The following SLC30A9 variants were observed in gnomAD, a reference collection of about 807,000 sequenced individuals.
SLC30A9 encodes the protein proton-coupled zinc antiporter SLC30A9, mitochondrial.
Under a neutral mutation model 87.5 loss-of-function variants are expected in SLC30A9, and 58 were observed. That is an observed-to-expected ratio of 0.66 (90% confidence interval 0.54 to 0.82). The LOEUF is 0.82. Ranked by LOEUF, SLC30A9 falls within the 40% of genes least tolerant of loss-of-function variation. SLC30A9 has a pLI of 0.00. For missense variants in SLC30A9, 557 were observed against 679.1 expected, an observed-to-expected ratio of 0.82 and a Z score of 2.00; for synonymous variants, 234 against 233.0, an observed-to-expected ratio of 1.00 and a Z score of -0.04.
At chr4:42,078,190 C>T (rs757755379) in intron 16 of SLC30A9, 22 bp from the exon 17 acceptor site, 2 of 1,207,074 alleles carry the variant, frequency 1.7e-6, no homozygotes, top group Non-Finnish European at 2.4e-6. Context: ...AATTTATTTT[C>T]CTGTTTTCAT....
intron 2 of SLC30A9, among the ~76,000 whole-genome samples, chr4:42,005,186 T>A (rs2660325): frequency 9.2e-5 from 14 of 152,042 alleles, no homozygotes; most frequent in East Asian, 1.9e-4. Flanking sequence ...CTGTGAGTTC[T>A]TCATTTTCCA....
intron 2 of SLC30A9, among the ~76,000 whole-genome samples, chr4:42,015,723 T>C (rs1445036426): frequency 1.3e-5 from 2 of 152,162 alleles, no homozygotes; most frequent in African/African-American, 4.8e-5. Flanking sequence ...CTGCTGAAAG[T>C]CCAAATACCG....
Position 42,062,967 on chromosome 4 carries a change from A to C in SLC30A9, c.897-19A>C. 1.0e-5 allele frequency: 16 copies of C among 1,583,074 alleles called. No homozygotes were observed. The highest frequency in any genetic ancestry group is 1.3e-5 in the Non-Finnish European group (15 of 1,153,298). On this transcript the variant is annotated intron_variant, in intron 10 of 17. Coordinates refer to ENST00000264451, the MANE Select transcript of SLC30A9 (RefSeq NM_006345.4). ...ACCATTTGTATTTCTTGCGAACTAT[A>C]TTCTTTTCTATTTTTCAGGTACGGA...
intron 16 of SLC30A9, 45 bp from the exon 17 acceptor site, chr4:42,078,167 A>G: frequency 1.1e-6 from 1 of 936,378 alleles, no homozygotes; most frequent in Non-Finnish European, 1.7e-6. Flanking sequence ...GTGTACCACT[A>G]TGGTTTTTTA....
rs1719011862 is a variant in SLC30A9 at position 42,088,843 on chromosome 4, C to CGAGGTGGGAGGATCACTTGAGCCCCA, written c.*2723_*2748dup. ...CTGTAGTCACAGCTACTTGGGAGGCCGAGGTGGGAGGATCACTTGAGCCCC... is the reference window on the plus strand; with the variant it reads ...CTGTAGTCACAGCTACTTGGGAGGCCGAGGTGGGAGGATCACTTGAGCCCCAGAGGTGGGAGGATCACTTGAGCCCC... On this transcript the variant is annotated 3_prime_UTR_variant, in exon 18 of 18. Transcript: ENST00000264451. 6.6e-6 allele frequency: 1 copy of CGAGGTGGGAGGATCACTTGAGCCCCA among 152,106 alleles called. No homozygotes were observed. The highest frequency in any genetic ancestry group is 2.1e-4 in the South Asian group (1 of 4,814). The allele number at this position is 152,106 out of a possible 1,614,324, so 9.4% of individuals were successfully genotyped here. A position where few individuals can be genotyped will look rare whatever the true frequency, so the allele number is the denominator to read the frequency against.
intron 2 of SLC30A9, among the ~76,000 whole-genome samples, chr4:42,016,264 A>G (rs1715716436): frequency 6.6e-6 from 1 of 152,220 alleles, no homozygotes; most frequent in Non-Finnish European, 1.5e-5. Flanking sequence ...GGATATAAAT[A>G]TAATGGAAAA....
chr4:42,038,920 C>T, intron 7 of SLC30A9, 66 bp from the exon 8 acceptor site: 1 of 1,019,402 alleles, frequency 9.8e-7, no homozygotes, highest in Non-Finnish European at 1.6e-6. Context: ...TCTGTCAAAG[C>T]CACCAGTTAC....
chr4:42,034,147 A>G (rs1716576624), intron 6 of SLC30A9, among the ~76,000 whole-genome samples: 2 of 150,410 alleles, frequency 1.3e-5, no homozygotes, highest in African/African-American at 4.9e-5. Flanking sequence ...TGAGGTAAAA[A>G]TGAAGGACTT....
Position 42,039,047 on chromosome 4 carries a change from T to C in SLC30A9, c.731T>C (p.Ile244Thr). The change falls in exon 8 of 18, where the codon ATT (isoleucine) becomes ACT (threonine). Residue 244 changes from isoleucine (I) to threonine (T), a missense_variant. Coordinates refer to ENST00000264451, the MANE Select transcript of SLC30A9 (RefSeq NM_006345.4). The part of the protein sequence containing the change: ...KGPGKVVMVA[I>T]CINGLNCFFK... ...CCAGGAAAAGTGGTGATGGTTGCAA[T>C]TTGCATGTAAGTACTGAAAAATAAG... The C allele has an allele frequency of 6.2e-7, 1 of 1,608,852 alleles. No homozygotes were observed. The highest frequency in any genetic ancestry group is 8.5e-7 in the Non-Finnish European group (1 of 1,175,342).
chr4:41,992,179 C>G (rs1714472699), intron 1 of SLC30A9, among the ~76,000 whole-genome samples: 1 of 151,838 alleles, frequency 6.6e-6, no homozygotes, highest in Middle Eastern at 3.4e-3. Flanking sequence ...AACTGCCTCT[C>G]TACAAAAAAT....
At chr4:42,011,908 G>A (rs1034336905) in intron 2 of SLC30A9, among the ~76,000 whole-genome samples, 1 of 152,196 alleles carries the variant, frequency 6.6e-6, no homozygotes, top group Non-Finnish European at 1.5e-5. Flanking sequence ...AATAGTCATT[G>A]TCAGTAGGAG....
At chr4:42,064,059 G>A (rs966801487) in intron 11 of SLC30A9, among the ~76,000 whole-genome samples, 3 of 152,190 alleles carry the variant, frequency 2.0e-5, no homozygotes, top group Non-Finnish European at 4.4e-5. Context: ...GTAGGCTTGC[G>A]TATGGATGTA....
At chr4:42,070,320 A>T in intron 14 of SLC30A9, 2 of 474,630 alleles carry the variant, frequency 4.2e-6, no homozygotes, top group Non-Finnish European at 7.5e-6. Flanking sequence ...TAATTATGTC[A>T]CATAGTACTC....
intron 2 of SLC30A9, among the ~76,000 whole-genome samples, chr4:42,002,963 C>G (rs1471354112): frequency 2.0e-5 from 3 of 152,032 alleles, no homozygotes; most frequent in Non-Finnish European, 4.4e-5. Flanking sequence ...CAGTTAGACA[C>G]TTAGTTTATT....
At chr4:42,033,826 T>C (rs771214767) in intron 6 of SLC30A9, among the ~76,000 whole-genome samples, 76 of 152,314 alleles carry the variant, frequency 5.0e-4, no homozygotes, top group East Asian at 7.7e-4. Context: ...CCACCCGCCT[T>C]GGCCTCCCAA....
chr4:42,006,702 A>G (rs897610925), intron 2 of SLC30A9, among the ~76,000 whole-genome samples: 8 of 133,288 alleles, frequency 6.0e-5, no homozygotes, highest in Admixed American at 3.2e-4. Context: ...AAAAAAAAAA[A>G]AAGTAGGTAT....
chr4:42,060,172 T>C lies in SLC30A9; in HGVS notation c.841-19T>C. ...CATCTTGCTAATGATTATTCACCTT[T>C]TTTTCTTCTTCTTCATAGGGTTTAC... On this transcript the variant is annotated intron_variant, in intron 9 of 17. Transcript: ENST00000264451. 1 of 1,600,060 alleles carries C rather than the reference T, an allele frequency of 6.2e-7. No homozygotes were observed. The highest frequency in any genetic ancestry group is 1.1e-5 in the South Asian group (1 of 90,726).
chr4:42,057,691 T>C (rs1053882886), intron 9 of SLC30A9, among the ~76,000 whole-genome samples: 1 of 152,190 alleles, frequency 6.6e-6, no homozygotes, highest in Non-Finnish European at 1.5e-5. Flanking sequence ...CAGTTCCTCA[T>C]TACTTATGCA....
At chr4:42,078,379 T>TACTG (rs1181262349) in intron 17 of SLC30A9, 54 bp downstream of exon 17, 2 of 906,094 alleles carry the variant, frequency 2.2e-6, no homozygotes, top group Middle Eastern at 2.1e-4. Context: ...TTTTTTTGAG[T>TACTG]ACTTACTCTA....
Sources: allele counts gnomAD v4.1 joint callset (sites outside exome capture counted in the v4.1 genomes callset), GRCh38; gene constraint gnomAD v4.1.1; transcripts MANE v1.5; gene names NCBI Gene and HGNC (gene_info 2026-07-23, HGNC 2026-07-21).